Variants in GRID1 observed in about 807,000 individuals in gnomAD.
GRID1 encodes glutamate ionotropic receptor delta type subunit 1.
In GRID1, 28 loss-of-function variants were observed where a neutral mutation model predicts 98.0. That is an observed-to-expected ratio of 0.29 (90% CI 0.21 to 0.39). The LOEUF is 0.39. GRID1 is among the 10% of genes least tolerant of loss of function. The probability of loss-of-function intolerance (pLI) is 1.00; values close to 1 mark genes in which losing one functional copy is unlikely to be tolerated. For missense variants in GRID1, 1,111 were observed against 1,340.5 expected (o/e 0.83, Z 2.67); for synonymous variants, 553 against 538.5 (o/e 1.03, Z -0.37).
chr10:85,918,374 C>T (rs777950090), intron 4 of GRID1, among the ~76,000 whole-genome samples: 1 of 151,714 alleles, frequency 6.6e-6, no homozygotes, highest in Non-Finnish European at 1.5e-5. Flanking sequence ...TCTGTTCCTT[C>T]GTAAAAGGAA....
intron 2 of GRID1, among the ~76,000 whole-genome samples, chr10:86,352,918 A>G (rs554686288): frequency 3.6e-4 from 55 of 152,234 alleles, no homozygotes; most frequent in South Asian, 6.2e-4. Flanking sequence ...ACTGACAATG[A>G]AAAAACACCT....
intron 12 of GRID1, among the ~76,000 whole-genome samples, chr10:85,721,692 G>A (rs1344736114): frequency 2.0e-5 from 3 of 152,192 alleles, no homozygotes; most frequent in Non-Finnish European, 2.9e-5. Flanking sequence ...GGGACAGAGT[G>A]TCAGGGGAAG....
intron 8 of GRID1, among the ~76,000 whole-genome samples, chr10:85,736,703 A>T (rs541903986): frequency 8.5e-5 from 13 of 152,266 alleles, no homozygotes; most frequent in African/African-American, 3.1e-4. Context: ...GGCTCAGAGT[A>T]TGTTTCAAAG....
intron 5 of GRID1, among the ~76,000 whole-genome samples, chr10:85,913,082 G>A (rs374971739): frequency 6.6e-6 from 1 of 152,110 alleles, no homozygotes; most frequent in East Asian, 1.9e-4. Flanking sequence ...GCTACCCTGG[G>A]GTGCCTGGGT....
intron 4 of GRID1, among the ~76,000 whole-genome samples, chr10:86,119,989 G>C (rs952741458): frequency 6.6e-6 from 1 of 151,888 alleles, no homozygotes; most frequent in Non-Finnish European, 1.5e-5. Flanking sequence ...TTTTAGAAGA[G>C]AGGGGTTTCA....
chr10:85,906,892 A>G (rs568809536), intron 5 of GRID1, among the ~76,000 whole-genome samples: 7 of 152,282 alleles, frequency 4.6e-5, no homozygotes, highest in Non-Finnish European at 8.8e-5. Context: ...AATTAATATA[A>G]ATGGAAATTG....
chr10:85,888,292 C>T (rs1439906092), intron 5 of GRID1, among the ~76,000 whole-genome samples: 1 of 152,158 alleles, frequency 6.6e-6, no homozygotes, highest in Non-Finnish European at 1.5e-5. Flanking sequence ...CATTCCCAAG[C>T]GTGGGCCCAG....
At chr10:85,701,377 C>A (rs547325249) in intron 12 of GRID1, among the ~76,000 whole-genome samples, 9 of 128,026 alleles carry the variant, frequency 7.0e-5, no homozygotes, top group African/African-American at 2.1e-4. Context: ...AATATGGACG[C>A]CAAGAAAAAA....
intron 5 of GRID1, among the ~76,000 whole-genome samples, chr10:85,879,999 T>C (rs982219861): frequency 2.0e-5 from 3 of 152,176 alleles, no homozygotes; most frequent in Non-Finnish European, 2.9e-5. Flanking sequence ...AACACCTCTA[T>C]GCAAATAAAC....
intron 13 of GRID1, among the ~76,000 whole-genome samples, chr10:85,630,616 G>A (rs191582653): frequency 7.2e-4 from 110 of 152,166 alleles, no homozygotes; most frequent in African/African-American, 2.4e-3. Flanking sequence ...AGGGGCACAG[G>A]TGGTCCTTCA....
chr10:85,929,917 G>C (rs1044964076), intron 4 of GRID1, among the ~76,000 whole-genome samples: 2 of 152,142 alleles, frequency 1.3e-5, no homozygotes, highest in African/African-American at 4.8e-5. Flanking sequence ...AGAGGACTTA[G>C]GTCTCTTAAT....
At chr10:85,753,013 T>G (rs1842062377) in intron 8 of GRID1, among the ~76,000 whole-genome samples, 1 of 152,222 alleles carries the variant, frequency 6.6e-6, no homozygotes, top group Admixed American at 6.5e-5. Flanking sequence ...GGGTATCTCA[T>G]GTCCCACACT....
chr10:86,266,498 G>C (rs1310814728), intron 2 of GRID1, among the ~76,000 whole-genome samples: 1 of 152,194 alleles, frequency 6.6e-6, no homozygotes, highest in African/African-American at 2.4e-5. Context: ...CCCTAATCTG[G>C]TTCGAGGCTT....
intron 14 of GRID1, among the ~76,000 whole-genome samples, chr10:85,614,289 T>C (rs181209540): frequency 1.3e-5 from 2 of 152,246 alleles, no homozygotes; most frequent in East Asian, 3.9e-4. Context: ...ACATGGTGAG[T>C]GCTGTCCACT....
At chr10:86,240,950 C>A (rs1179580079) in intron 2 of GRID1, among the ~76,000 whole-genome samples, 5 of 152,226 alleles carry the variant, frequency 3.3e-5, no homozygotes, top group Admixed American at 6.5e-5. Context: ...TGGGTCAGAG[C>A]CCCTGAGAAG....
At chr10:85,844,806 A>G (rs73334791) in intron 8 of GRID1, among the ~76,000 whole-genome samples, 1 of 152,218 alleles carries the variant, frequency 6.6e-6, no homozygotes, top group Non-Finnish European at 1.5e-5. Context: ...ATACATCAAC[A>G]TAATTTATCA....
At chr10:85,909,304 G>C (rs984551707) in intron 5 of GRID1, among the ~76,000 whole-genome samples, 3 of 152,176 alleles carry the variant, frequency 2.0e-5, no homozygotes, top group Non-Finnish European at 2.9e-5. Context: ...GTACCGAAGA[G>C]GATATGAAGC....
intron 4 of GRID1, among the ~76,000 whole-genome samples, chr10:86,039,567 G>C (rs1050641385): frequency 1.3e-5 from 2 of 152,212 alleles, no homozygotes; most frequent in African/African-American, 4.8e-5. Flanking sequence ...CCTGCTTGGT[G>C]AGAAGGGAAG....
intron 3 of GRID1, among the ~76,000 whole-genome samples, chr10:86,169,442 C>A (rs1047900289): frequency 2.0e-5 from 3 of 152,196 alleles, no homozygotes; most frequent in African/African-American, 7.2e-5. Context: ...TATTACTAAG[C>A]ATGGAGTTAG....
Sources: gnomAD v4.1 joint callset for allele counts (sites outside exome capture counted in the v4.1 genomes callset) on GRCh38, gnomAD v4.1.1 for gene constraint, MANE v1.5 for transcripts, NCBI Gene and HGNC (gene_info 2026-07-23, HGNC 2026-07-21) for gene names.